The following SPECC1 variants were observed in gnomAD, a reference collection of about 807,000 sequenced individuals.
The protein encoded by SPECC1 is cytospin-B.
In SPECC1, 62 loss-of-function variants were observed where a neutral mutation model predicts 104.1. That is an observed-to-expected ratio of 0.60 (90% CI 0.49 to 0.74). The LOEUF is 0.74. Among genes scored for constraint, SPECC1 ranks in the 30% least tolerant of loss-of-function variants. SPECC1 has a pLI of 0.00. For synonymous variants in SPECC1, 513 were observed against 501.6 expected, an observed-to-expected ratio of 1.02 and a Z score of -0.30; for missense variants, 1,306 against 1,310.5, an observed-to-expected ratio of 1.00 and a Z score of 0.05.
At chr17:20,066,251 A>G (rs1305560964) in intron 1 of SPECC1, among the ~76,000 whole-genome samples, 1 of 152,188 alleles carries the variant, frequency 6.6e-6, no homozygotes, top group Non-Finnish European at 1.5e-5. Flanking sequence ...AATTAGCCAA[A>G]CATCTGTTTG....
intron 1 of SPECC1, among the ~76,000 whole-genome samples, chr17:20,080,049 C>T (rs1474862600): frequency 6.6e-6 from 1 of 152,206 alleles, no homozygotes; most frequent in African/African-American, 2.4e-5. Flanking sequence ...TTGTCAACTA[C>T]CATTACTTAT....
intron 10 of SPECC1, among the ~76,000 whole-genome samples, chr17:20,255,453 A>G (rs772089629): frequency 1.3e-5 from 2 of 152,226 alleles, no homozygotes; most frequent in Non-Finnish European, 2.9e-5. Flanking sequence ...GACACATAAT[A>G]TAAAATTTAC....
At chr17:20,215,486 G>C (rs2037429484) in intron 4 of SPECC1, among the ~76,000 whole-genome samples, 1 of 152,124 alleles carries the variant, frequency 6.6e-6, no homozygotes, top group Non-Finnish European at 1.5e-5. Flanking sequence ...CACTTGTTCT[G>C]TTTTCTAATA....
chr17:20,294,951 G>A (rs866872925), intron 12 of SPECC1, among the ~76,000 whole-genome samples: 5 of 152,038 alleles, frequency 3.3e-5, no homozygotes, highest in Non-Finnish European at 5.9e-5. Flanking sequence ...AATGTACTCT[G>A]AGCAAATTTG....
chr17:20,102,672 C>T (rs1489942009), intron 2 of SPECC1, among the ~76,000 whole-genome samples: 2 of 152,108 alleles, frequency 1.3e-5, no homozygotes, highest in African/African-American at 2.4e-5. Context: ...ATGGATTTAC[C>T]GAAGAAGAGC....
intron 3 of SPECC1, among the ~76,000 whole-genome samples, chr17:20,187,646 G>A (rs1318891664): frequency 5.3e-5 from 8 of 152,124 alleles, no homozygotes; most frequent in African/African-American, 1.9e-4. Context: ...TCAGTTATGG[G>A]AGTCAAAACC....
rs187991079 is a variant in SPECC1 at position 20,157,484 on chromosome 17, A to G, written c.284-46849A>G. On this transcript the variant is annotated intron_variant, in intron 3 of 14. Transcript: ENST00000395527. ...GAAATATGCATAAAATAAAAATAAT[A>G]TACTTGTTATAAATAACCCTGTTGG... 3.3e-5 allele frequency among the ~76,000 whole-genome samples: 5 copies of G among 152,362 alleles called. No homozygotes were observed. In the East Asian group the frequency reaches 9.6e-4, roughly 29 times the overall value.
chr17:20,287,912 A>G (rs1392786844), intron 12 of SPECC1, among the ~76,000 whole-genome samples: 2 of 152,128 alleles, frequency 1.3e-5, no homozygotes, highest in East Asian at 3.8e-4. Flanking sequence ...CTAGGTATTA[A>G]GCTCAACATA....
chr17:20,316,072 T>C lies in SPECC1; in HGVS notation c.*2007T>C. On this transcript the variant is annotated 3_prime_UTR_variant, in exon 15 of 15. Coordinates refer to ENST00000395527, the MANE Select transcript of SPECC1 (RefSeq NM_001243439.2). ...CAGCTGTTGGGCGATGGTCATTACA[T>C]CACCCATGCCTTTGTATTTAAATGA... is the stretch of plus-strand genomic sequence containing the variant. The C allele has an allele frequency of 4.3e-6, 1 of 232,504 alleles. No homozygotes were observed. Among genetic ancestry groups the C allele is most frequent in the Non-Finnish European group, 8.5e-6 (1 of 117,554 alleles). 14.4% of individuals were successfully genotyped at this position (232,504 alleles called of 1,614,324 possible). A position where few individuals can be genotyped will look rare whatever the true frequency, so the allele number is the denominator to read the frequency against.
chr17:20,217,987 G>A (rs551899827), intron 4 of SPECC1, among the ~76,000 whole-genome samples: 61 of 152,188 alleles, frequency 4.0e-4, no homozygotes, highest in African/African-American at 1.3e-3. Context: ...ACCCGTGATC[G>A]TGCCACTGTG....
At chr17:20,165,482 T>TG (rs1290283758) in intron 3 of SPECC1, among the ~76,000 whole-genome samples, 1 of 152,220 alleles carries the variant, frequency 6.6e-6, no homozygotes, top group African/African-American at 2.4e-5. Flanking sequence ...ATTGATTCCA[T>TG]GTCTTTGCTA....
intron 2 of SPECC1, among the ~76,000 whole-genome samples, chr17:20,100,657 TA>T (rs1387041500): frequency 1.3e-5 from 2 of 152,336 alleles, no homozygotes; most frequent in Admixed American, 6.5e-5. Context: ...ATTATTTTTT[TA>T]AAATTTTACT....
chr17:20,096,906 G>C (rs2047674369), intron 2 of SPECC1, 108 bp downstream of exon 2: 3 of 1,410,998 alleles, frequency 2.1e-6, no homozygotes, highest in Middle Eastern at 2.0e-4. Flanking sequence ...AGGGAAGGAG[G>C]CTCCCAAGGA....
chr17:20,110,152 C>T (rs531239902), intron 2 of SPECC1, among the ~76,000 whole-genome samples: 5 of 152,302 alleles, frequency 3.3e-5, no homozygotes, highest in African/African-American at 1.2e-4. Flanking sequence ...TTTTAAGGCT[C>T]ATTACTTGAA....
chr17:20,249,799 G>A (rs1437663151), intron 9 of SPECC1, among the ~76,000 whole-genome samples: 1 of 152,042 alleles, frequency 6.6e-6, no homozygotes, highest in African/African-American at 2.4e-5. Flanking sequence ...TAGAGAAAAG[G>A]ACATAAGAAA....
chr17:20,149,459 C>T (rs1005043870), intron 3 of SPECC1, among the ~76,000 whole-genome samples: 1 of 152,268 alleles, frequency 6.6e-6, no homozygotes, highest in South Asian at 2.1e-4. Flanking sequence ...TATGTGATCG[C>T]CTGGTAAAAA....
intron 2 of SPECC1, among the ~76,000 whole-genome samples, chr17:20,105,133 T>C (rs1424207102): frequency 6.6e-6 from 1 of 152,092 alleles, no homozygotes; most frequent in Admixed American, 6.5e-5. Context: ...GGTTTTGCTC[T>C]GTTGCCCATA....
At chr17:20,171,870 A>G (rs866128994) in intron 3 of SPECC1, among the ~76,000 whole-genome samples, 1 of 152,168 alleles carries the variant, frequency 6.6e-6, no homozygotes. Context: ...TGTGCTTGCC[A>G]GCATTCTGGT....
chr17:20,047,788 G>A (rs984087067), intron 1 of SPECC1, among the ~76,000 whole-genome samples: 1 of 151,384 alleles, frequency 6.6e-6, no homozygotes, highest in Non-Finnish European at 1.5e-5. Context: ...TAGTAGAGAT[G>A]GGGTTTCACC....
Sources: gnomAD v4.1 joint callset for allele counts (sites outside exome capture counted in the v4.1 genomes callset) on GRCh38, gnomAD v4.1.1 for gene constraint, MANE v1.5 for transcripts, NCBI Gene and HGNC (gene_info 2026-07-23, HGNC 2026-07-21) for gene names.